DIP2B: variants seen among roughly 807,000 people sequenced by gnomAD.
DIP2B encodes the protein disco-interacting protein 2 homolog B.
Under a neutral mutation model 198.0 loss-of-function variants are expected in DIP2B, and 76 were observed. The ratio of observed to expected loss-of-function variants is 0.38; its 90% CI spans 0.32 to 0.46. The LOEUF is 0.46. DIP2B is among the 20% of genes least tolerant of loss of function. The pLI is 0.99. For missense variants in DIP2B, 1,559 were observed against 1,978.4 expected (o/e 0.79, Z 4.02); for synonymous variants, 701 against 739.1 (o/e 0.95, Z 0.84).
intron 3 of DIP2B, among the ~76,000 whole-genome samples, chr12:50,650,687 T>C (rs1938437761): frequency 6.6e-6 from 1 of 152,230 alleles, no homozygotes; most frequent in Non-Finnish European, 1.5e-5. Flanking sequence ...GTATATACCA[T>C]GTTTTACTTA....
chr12:50,577,337 C>T (rs1032472055), intron 1 of DIP2B, among the ~76,000 whole-genome samples: 7 of 151,770 alleles, frequency 4.6e-5, no homozygotes, highest in African/African-American at 1.2e-4. Flanking sequence ...CGAGACCATC[C>T]GGGCTAACAC....
At chr12:50,671,055 A>G in intron 4 of DIP2B, 131 bp from the exon 5 acceptor site, 1 of 835,230 alleles carries the variant, frequency 1.2e-6, no homozygotes, top group South Asian at 1.9e-5. Context: ...GAGAAACTTT[A>G]CATATTAATC....
intron 1 of DIP2B, among the ~76,000 whole-genome samples, chr12:50,606,864 T>C (rs1333031411): frequency 6.6e-6 from 1 of 151,856 alleles, no homozygotes; most frequent in Non-Finnish European, 1.5e-5. Flanking sequence ...TAAAGTTCAG[T>C]GGCACTATCT....
At chr12:50,526,172 A>G (rs1373816134) in intron 1 of DIP2B, among the ~76,000 whole-genome samples, 1 of 152,156 alleles carries the variant, frequency 6.6e-6, no homozygotes, top group Non-Finnish European at 1.5e-5. Flanking sequence ...CAGGGAGAAG[A>G]TTCCAATGGA....
chr12:50,694,946 A>G (rs1939284638), intron 14 of DIP2B, among the ~76,000 whole-genome samples: 1 of 152,186 alleles, frequency 6.6e-6, no homozygotes, highest in Admixed American at 6.5e-5. Context: ...AGATATATGT[A>G]TAATATGATG....
chr12:50,625,868 GCC>G, intron 1 of DIP2B, 106 bp from the exon 2 acceptor site: 1 of 1,141,112 alleles, frequency 8.8e-7, no homozygotes. Context: ...CCAACCCCCT[GCC>G]TCTATATGGG....
intron 9 of DIP2B, among the ~76,000 whole-genome samples, chr12:50,681,069 A>G (rs913204273): frequency 4.6e-5 from 7 of 152,204 alleles, no homozygotes; most frequent in African/African-American, 1.7e-4. Flanking sequence ...TCTTTAGACA[A>G]TAAGAAAACA....
At chr12:50,519,869 CT>C (rs1044316964) in intron 1 of DIP2B, among the ~76,000 whole-genome samples, 1 of 149,424 alleles carries the variant, frequency 6.7e-6, no homozygotes, top group African/African-American at 2.5e-5. Flanking sequence ...AGGACTGTTG[CT>C]TTTAGGCATA....
intron 20 of DIP2B, among the ~76,000 whole-genome samples, chr12:50,705,473 G>C (rs1261247055): frequency 2.0e-5 from 3 of 152,216 alleles, no homozygotes; most frequent in Non-Finnish European, 4.4e-5. Context: ...GAAAGGTGCA[G>C]TCCTCCTCTT....
chr12:50,677,868 A>ACC (rs1938974694), intron 7 of DIP2B, among the ~76,000 whole-genome samples: 1 of 151,796 alleles, frequency 6.6e-6, no homozygotes, highest in South Asian at 2.1e-4. Flanking sequence ...AGTAAGAGCC[A>ACC]CCCCTTTCCT....
intron 2 of DIP2B, among the ~76,000 whole-genome samples, chr12:50,634,085 G>C (rs1403860348): frequency 2.0e-5 from 3 of 152,196 alleles, no homozygotes; most frequent in Non-Finnish European, 4.4e-5. Context: ...ATTCTGAGCT[G>C]TCTGCTCTTT....
At chr12:50,579,736 C>T (rs1225553850) in intron 1 of DIP2B, among the ~76,000 whole-genome samples, 3 of 126,904 alleles carry the variant, frequency 2.4e-5, no homozygotes, top group Non-Finnish European at 4.8e-5. Context: ...TTCATGGACC[C>T]CTGTAATTTT....
chr12:50,714,556 A>C lies in DIP2B; in HGVS notation c.2811A>C (p.Thr937=). The change falls in exon 23 of 38, where the codon ACA becomes ACC. Residue 937 remains threonine (T), a synonymous_variant. Coordinates refer to ENST00000301180, the MANE Select transcript of DIP2B (RefSeq NM_173602.3). ...HPCNILMCPH[T]CVTNLPKPRQ... ...GCAACATCCTCATGTGCCCCCATAC[A>C]TGTGTGACAAACTTGCCAAAGCCCC... 6.2e-7 allele frequency: 1 copy of C among 1,614,102 alleles called. No individual in the cohort carries two copies. The highest frequency in any genetic ancestry group is 8.5e-7 in the Non-Finnish European group (1 of 1,179,988).
chr12:50,725,784 C>G (rs1205630494), intron 28 of DIP2B, among the ~76,000 whole-genome samples: 1 of 151,822 alleles, frequency 6.6e-6, no homozygotes, highest in African/African-American at 2.4e-5. Flanking sequence ...AAATAAGCAG[C>G]AGAACTGAAA....
In DIP2B at chr12:50,588,141, T is replaced by TTTTTTC. The variant is rs919917648; in HGVS notation, c.101-37811_101-37806dup. Reference sequence around the variant, plus strand: ...GATTTGTTGGTACTTCTTTTCTTTTTTTTTTCTTTTTCTTTTTCTTTTTCT... The same window carrying TTTTTTC: ...GATTTGTTGGTACTTCTTTTCTTTTTTTTTTCTTTTTCTTTTTCTTTTTCTTTTTCT... On this transcript the variant is annotated intron_variant, in intron 1 of 37. Coordinates refer to ENST00000301180, the MANE Select transcript of DIP2B (RefSeq NM_173602.3). Among the ~76,000 whole-genome samples the TTTTTTC allele has an allele frequency of 1.8e-4, 28 of 151,804 alleles. 1 individual carries two copies. The highest frequency in any genetic ancestry group is 3.3e-4 in the Admixed American group (5 of 15,226).
chr12:50,672,345 A>C (rs1441941518), intron 5 of DIP2B, among the ~76,000 whole-genome samples: 6 of 152,316 alleles, frequency 3.9e-5, no homozygotes, highest in Middle Eastern at 6.8e-3. Context: ...TTGCACGCTT[A>C]GCTCTGCCCT....
At chr12:50,614,354 G>T (rs567181500) in intron 1 of DIP2B, among the ~76,000 whole-genome samples, 2 of 152,230 alleles carry the variant, frequency 1.3e-5, no homozygotes, top group East Asian at 3.9e-4. Flanking sequence ...TTCTTTAAAT[G>T]TTAGTTTACC....
At chr12:50,690,684 C>T (rs765710467) in intron 12 of DIP2B, among the ~76,000 whole-genome samples, 2 of 152,134 alleles carry the variant, frequency 1.3e-5, no homozygotes, top group African/African-American at 2.4e-5. Context: ...GCACAGAGAC[C>T]GCGTCTTACA....
chr12:50,555,194 G>A (rs1958460020), intron 1 of DIP2B, among the ~76,000 whole-genome samples: 1 of 152,190 alleles, frequency 6.6e-6, no homozygotes, highest in Non-Finnish European at 1.5e-5. Context: ...TCTGTAGGGT[G>A]AGGAAAAGAC....
Sources: allele counts gnomAD v4.1 joint callset (sites outside exome capture counted in the v4.1 genomes callset), GRCh38; gene constraint gnomAD v4.1.1; transcripts MANE v1.5; gene names NCBI Gene and HGNC (gene_info 2026-07-23, HGNC 2026-07-21).